RAD50: variants seen among roughly 807,000 people sequenced by gnomAD.
RAD50 encodes the protein DNA repair protein RAD50.
In RAD50, 132 loss-of-function variants were observed where a neutral mutation model predicts 168.8. The ratio of observed to expected loss-of-function variants is 0.78; its 90% CI spans 0.68 to 0.90. The LOEUF is 0.90. Ranked by LOEUF, RAD50 falls within the 40% of genes least tolerant of loss-of-function variation. The pLI, the probability that RAD50 is intolerant of heterozygous loss-of-function variation, is 0.00. For synonymous variants in RAD50, 525 were observed against 497.4 expected, an observed-to-expected ratio of 1.06 and a Z score of -0.74; for missense variants, 1,347 against 1,534.4, an observed-to-expected ratio of 0.88 and a Z score of 2.04.
intron 13 of RAD50, among the ~76,000 whole-genome samples, chr5:132,602,748 C>T (rs975167235): frequency 2.6e-5 from 4 of 152,062 alleles, no homozygotes; most frequent in South Asian, 2.1e-4. Context: ...CAGACCATAT[C>T]GAATTTAGCA....
intron 2 of RAD50, among the ~76,000 whole-genome samples, chr5:132,567,466 T>G (rs1163408879): frequency 6.6e-6 from 1 of 152,190 alleles, no homozygotes; most frequent in Non-Finnish European, 1.5e-5. Flanking sequence ...TGGGCATCAC[T>G]AGGCAGATGA....
At chr5:132,637,905 C>T in intron 22 of RAD50, 176 bp from the exon 23 acceptor site, 1 of 705,494 alleles carries the variant, frequency 1.4e-6, no homozygotes. Flanking sequence ...TTGCTTCTGG[C>T]CAGACCACCA....
At chr5:132,623,206 C>T (rs1324946101) in intron 21 of RAD50, among the ~76,000 whole-genome samples, 2 of 152,126 alleles carry the variant, frequency 1.3e-5, no homozygotes, top group Middle Eastern at 3.2e-3. Flanking sequence ...TGGCTGGGCA[C>T]GGTGGCTCAT....
chr5:132,635,121 A>G (rs73261627), intron 21 of RAD50, among the ~76,000 whole-genome samples: 1,641 of 152,260 alleles, frequency 0.011, 37 homozygotes, highest in African/African-American at 0.038. Context: ...TGCCTTTTCA[A>G]TTTTAACTGT....
chr5:132,641,613 G>T (rs1429011602), intron 24 of RAD50: 1 of 157,086 alleles, frequency 6.4e-6, no homozygotes, highest in Non-Finnish European at 1.4e-5. Flanking sequence ...CACATTGCTG[G>T]TTACCTCAGC....
chr5:132,625,338 G>T lies in RAD50; in HGVS notation c.3389+7044G>T, dbSNP rs62383756. 4.7e-3 allele frequency among the ~76,000 whole-genome samples: 718 copies of T among 152,008 alleles called. 2 individuals are homozygous for T. The highest frequency in any genetic ancestry group is 7.5e-3 in the Non-Finnish European group (512 of 67,966). On this transcript the variant is annotated intron_variant, in intron 21 of 24. Transcript: ENST00000378823. ...CCTGACCTCGTGATCCGCCCGCCTC[G>T]GCCTCCCAAAGTGCTGGGATTACAG...
intron 11 of RAD50, among the ~76,000 whole-genome samples, chr5:132,594,484 G>A (rs1750754697): frequency 6.6e-6 from 1 of 152,158 alleles, no homozygotes. Context: ...GTATTTACAG[G>A]AGAGTAAGGA....
At chr5:132,568,004 T>G (rs1243430761) in intron 2 of RAD50, among the ~76,000 whole-genome samples, 2 of 151,990 alleles carry the variant, frequency 1.3e-5, no homozygotes, top group Non-Finnish European at 2.9e-5. Flanking sequence ...AAGGGAAAAG[T>G]GAGTAGAAGC....
chr5:132,614,533 C>T (rs75765453), intron 19 of RAD50, among the ~76,000 whole-genome samples: 2,014 of 151,858 alleles, frequency 0.013, 23 homozygotes, highest in Non-Finnish European at 0.02. Flanking sequence ...ATCTAGGATG[C>T]TCAAGTCCCT....
rs876658770 is a variant in RAD50 at position 132,640,768 on chromosome 5, C to T, written c.3715C>T (p.Arg1239Ter). 16 of 1,614,012 alleles carry T rather than the reference C, an allele frequency of 9.9e-6. No homozygotes were observed. Among genetic ancestry groups the T allele is most frequent in the African/African-American group, 2.7e-5 (2 of 74,910 alleles). The change falls in exon 24 of 25, where the codon CGA (arginine) becomes TGA (stop). Residue 1239 changes from arginine to a stop codon, truncating the protein, a stop_gained. Transcript: ENST00000378823. LOFTEE classifies it high-confidence loss of function. The stretch of plus-strand genomic sequence containing the variant: ...GGATGAGCCAACAACAAATCTTGAC[C>T]GAGAAAACATTGAATCTCTTGCACA... The part of the protein sequence containing the change: ...ALDEPTTNLD[R>*]ENIESLAHAL...
At chr5:132,611,705 TAAAAAAA>T (rs34112186) in intron 19 of RAD50, among the ~76,000 whole-genome samples, 7 of 102,972 alleles carry the variant, frequency 6.8e-5, no homozygotes, top group East Asian at 3.0e-4. Context: ...GACTCCGTCT[TAAAAAAA>T]AAAAAAAAAA....
At chr5:132,600,644 C>T (rs79068981) in intron 13 of RAD50, among the ~76,000 whole-genome samples, 2,392 of 152,224 alleles carry the variant, frequency 0.016, 55 homozygotes, top group African/African-American at 0.055. Flanking sequence ...ATTATAGCAC[C>T]TCATTTAAAT....
At chr5:132,595,192 G>C in intron 12 of RAD50, 148 bp downstream of exon 12, 1 of 847,754 alleles carries the variant, frequency 1.2e-6, no homozygotes, top group Non-Finnish European at 1.8e-6. Context: ...TACTCACTGT[G>C]TGACTTTAGG....
chr5:132,588,130 T>C, intron 7 of RAD50, 41 bp downstream of exon 7: 1 of 1,566,992 alleles, frequency 6.4e-7, no homozygotes, highest in Non-Finnish European at 8.8e-7. Context: ...CCTACTATGA[T>C]GTTATACATT....
At chr5:132,570,158 C>T (rs1037736136) in intron 2 of RAD50, among the ~76,000 whole-genome samples, 1 of 152,142 alleles carries the variant, frequency 6.6e-6, no homozygotes, top group Non-Finnish European at 1.5e-5. Context: ...AGTCCAAAAT[C>T]CGTTAGGTGT....
chr5:132,595,875 C>G, intron 13 of RAD50, 65 bp downstream of exon 13: 1 of 1,438,050 alleles, frequency 7.0e-7, no homozygotes, highest in South Asian at 1.1e-5. Context: ...CCATCTCATG[C>G]CTGGGCAGAT....
chr5:132,561,216 G>A (rs116079023), intron 2 of RAD50, among the ~76,000 whole-genome samples: 1,521 of 151,748 alleles, frequency 0.01, 28 homozygotes, highest in African/African-American at 0.035. Flanking sequence ...TTTATGAGAC[G>A]GAGTCTTGCA....
At position 132,595,607 on chromosome 5, in the gene RAD50, G is replaced by C. The variant is rs1554098670; in HGVS notation, c.2004G>C (p.Gln668His). Reference protein sequence around the residue: ...MLAGATAVYSQFITQLTDENQ... With the variant: ...MLAGATAVYSHFITQLTDENQ... ...CTGGAGCCACAGCAGTTTACTCCCA[G>C]TTCATTACTCAGCTAACAGACGAAA... The change falls in exon 13 of 25, where the codon CAG (glutamine) becomes CAC (histidine). Residue 668 changes from glutamine (Q) to histidine (H), a missense_variant. Physicochemically the swap from Gln to His is conservative, Grantham distance 24 (BLOSUM62 0). This residue lies in a region of RAD50 where 703 missense variants were observed against 767.7 expected (regional missense o/e 0.92). Coordinates refer to ENST00000378823, the MANE Select transcript of RAD50 (RefSeq NM_005732.4). 5.6e-6 allele frequency: 9 copies of C among 1,613,872 alleles called. No individual in the cohort carries two copies. Among genetic ancestry groups the C allele is most frequent in the African/African-American group, 1.3e-5 (1 of 74,910 alleles).
At chr5:132,611,680 T>C (rs570328117) in intron 19 of RAD50, among the ~76,000 whole-genome samples, 58 of 136,594 alleles carry the variant, frequency 4.2e-4, no homozygotes, top group African/African-American at 1.5e-3. Flanking sequence ...CACTCCAGCC[T>C]GGGTGACAGA....
Sources: allele counts gnomAD v4.1 joint callset (sites outside exome capture counted in the v4.1 genomes callset), GRCh38; gene constraint gnomAD v4.1.1; regional missense constraint gnomAD v4.1.1; transcripts MANE v1.5; gene names NCBI Gene and HGNC (gene_info 2026-07-23, HGNC 2026-07-21).